The following COL22A1 variants were observed in gnomAD, a reference collection of about 807,000 sequenced individuals.
The protein encoded by COL22A1 is collagen type XXII alpha 1 chain, also known as collagen alpha-1(XXII) chain.
A neutral mutation model predicts 248.9 loss-of-function variants in COL22A1; 221 were observed. That is an observed-to-expected ratio of 0.89 (90% confidence interval 0.80 to 0.99). The LOEUF (loss-of-function observed/expected upper bound fraction) is 0.99, where lower values mean the gene tolerates loss of function less well. COL22A1 is among the 50% of genes least tolerant of loss of function. The pLI is 0.00. For synonymous variants in COL22A1, 891 were observed against 793.4 expected, an observed-to-expected ratio of 1.12 and a Z score of -2.07; for missense variants, 2,240 against 2,179.0, an observed-to-expected ratio of 1.03 and a Z score of -0.56.
chr8:138,647,230 A>G (rs1483627899), intron 46 of COL22A1, among the ~76,000 whole-genome samples: 1 of 152,298 alleles, frequency 6.6e-6, no homozygotes, highest in Non-Finnish European at 1.5e-5. Context: ...AACAGCCACA[A>G]GAGTGAACCT....
chr8:138,676,768 T>C, intron 40 of COL22A1, 133 bp from the exon 41 acceptor site: 2 of 656,128 alleles, frequency 3.0e-6, no homozygotes, highest in Non-Finnish European at 5.3e-6. Context: ...TGGGCCATGC[T>C]ATAGTCTACC....
intron 12 of COL22A1, among the ~76,000 whole-genome samples, chr8:138,783,550 C>T (rs1815233439): frequency 6.6e-6 from 1 of 152,096 alleles, no homozygotes; most frequent in Non-Finnish European, 1.5e-5. Flanking sequence ...AGATGGTGCC[C>T]ACCTAGATTA....
At chr8:138,625,357 G>A (rs757654244) in intron 51 of COL22A1, among the ~76,000 whole-genome samples, 1 of 152,138 alleles carries the variant, frequency 6.6e-6, no homozygotes, top group Admixed American at 6.5e-5. Context: ...TGGAACAAAA[G>A]AAGGCACAGT....
At chr8:138,860,888 G>GAGGGT (rs1056366616) in intron 3 of COL22A1, among the ~76,000 whole-genome samples, 2 of 152,180 alleles carry the variant, frequency 1.3e-5, no homozygotes, top group Admixed American at 1.3e-4. Context: ...TAAGTGCCAT[G>GAGGGT]AGGGTGGCTC....
Position 138,589,443 on chromosome 8 carries a change from G to T in COL22A1, c.4694-3C>A. The T allele has an allele frequency of 6.6e-7, 1 of 1,526,090 alleles. No homozygotes were observed. The allele number at this position is 1,526,090 out of a possible 1,614,324, so 94.5% of individuals were successfully genotyped here. ...ATAGCCAGGTTCCCCGGGTTGACCTGGCCCAAGGAGCAAAAGAAACAGAAG... is the reference window on the plus strand; with the variant it reads ...ATAGCCAGGTTCCCCGGGTTGACCTTGCCCAAGGAGCAAAAGAAACAGAAG... On this transcript the variant is annotated splice_polypyrimidine_tract_variant and splice_region_variant and intron_variant, in intron 64 of 64. Coordinates refer to ENST00000303045, the MANE Select transcript of COL22A1 (RefSeq NM_152888.3).
intron 22 of COL22A1, among the ~76,000 whole-genome samples, chr8:138,742,820 TTGA>T (rs1420746672): frequency 2.5e-4 from 27 of 106,206 alleles, no homozygotes; most frequent in African/African-American, 6.5e-4. Flanking sequence ...GATGGTGGAG[TTGA>T]TGATGATGGT....
intron 22 of COL22A1, among the ~76,000 whole-genome samples, chr8:138,747,260 G>A (rs1832196063): frequency 6.6e-6 from 1 of 152,212 alleles, no homozygotes; most frequent in Non-Finnish European, 1.5e-5. Flanking sequence ...AATGTTGAGT[G>A]CATTTAGGGT....
chr8:138,661,566 A>G (rs1031641830), intron 43 of COL22A1, among the ~76,000 whole-genome samples: 1 of 152,170 alleles, frequency 6.6e-6, no homozygotes, highest in African/African-American at 2.4e-5. Flanking sequence ...AGGCCAAACA[A>G]TGGAGACAAG....
At chr8:138,720,929 C>A in intron 26 of COL22A1, 137 bp from the exon 27 acceptor site, 1 of 733,188 alleles carries the variant, frequency 1.4e-6, no homozygotes, top group Non-Finnish European at 2.5e-6. Flanking sequence ...TCTGCGATTA[C>A]CTAACCACAG....
intron 6 of COL22A1, among the ~76,000 whole-genome samples, chr8:138,822,162 G>A (rs1397485090): frequency 2.0e-5 from 3 of 151,914 alleles, no homozygotes; most frequent in Admixed American, 6.6e-5. Flanking sequence ...CTCTTCTCCC[G>A]CCTTAGTCTC....
intron 28 of COL22A1, among the ~76,000 whole-genome samples, chr8:138,716,623 C>T (rs1398241314): frequency 1.3e-5 from 2 of 152,144 alleles, no homozygotes; most frequent in South Asian, 2.1e-4. Context: ...GGGAAGCCCT[C>T]TCCTATGCCC....
At chr8:138,794,837 A>G (rs1190474202) in intron 12 of COL22A1, among the ~76,000 whole-genome samples, 3 of 152,204 alleles carry the variant, frequency 2.0e-5, no homozygotes, top group African/African-American at 7.2e-5. Context: ...ATAATTCCAC[A>G]TATGAAGTAC....
At chr8:138,740,665 C>T (rs7839333) in intron 22 of COL22A1, among the ~76,000 whole-genome samples, 20,892 of 152,094 alleles carry the variant, frequency 0.14, 1,514 homozygotes, top group Non-Finnish European at 0.17. Context: ...GAGAGAAATG[C>T]AAAGAAACAC....
chr8:138,831,155 G>A (rs74480703), intron 5 of COL22A1, among the ~76,000 whole-genome samples: 2,057 of 152,206 alleles, frequency 0.014, 35 homozygotes, highest in African/African-American at 0.047. Flanking sequence ...ACAGTGCCTG[G>A]TGTGTGGCTG....
chr8:138,909,259 A>G (rs1815258739), intron 1 of COL22A1, among the ~76,000 whole-genome samples: 1 of 152,228 alleles, frequency 6.6e-6, no homozygotes, highest in Non-Finnish European at 1.5e-5. Context: ...TATTGGCACA[A>G]TGTTACAGAG....
At chr8:138,827,167 G>A (rs991601301) in intron 5 of COL22A1, 1 of 234,984 alleles carries the variant, frequency 4.3e-6, no homozygotes, top group Non-Finnish European at 8.7e-6. Flanking sequence ...AGGACAAATG[G>A]ATATACCTTA....
At chr8:138,689,021 T>C (rs1182035957) in intron 36 of COL22A1, 51 bp from the exon 37 acceptor site, 7 of 1,476,624 alleles carry the variant, frequency 4.7e-6, no homozygotes, top group Non-Finnish European at 5.7e-6. Context: ...GACTGGTCAC[T>C]CTTGGTGGCT....
intron 42 of COL22A1, among the ~76,000 whole-genome samples, chr8:138,662,542 A>G (rs922728701): frequency 1.3e-5 from 2 of 152,214 alleles, no homozygotes; most frequent in Non-Finnish European, 2.9e-5. Context: ...AATAATTTCT[A>G]GCTGCAATTT....
At chr8:138,845,279 G>C (rs536483570) in intron 3 of COL22A1, among the ~76,000 whole-genome samples, 6 of 131,022 alleles carry the variant, frequency 4.6e-5, no homozygotes, top group Admixed American at 3.2e-4. Context: ...GGCCAAGACG[G>C]GGGGGGATCA....
Sources: allele counts gnomAD v4.1 joint callset (sites outside exome capture counted in the v4.1 genomes callset), GRCh38; gene constraint gnomAD v4.1.1; transcripts MANE v1.5; gene names NCBI Gene and HGNC (gene_info 2026-07-23, HGNC 2026-07-21).